Variants in GIGYF2 observed in about 807,000 individuals in gnomAD.
The protein encoded by GIGYF2 is GRB10-interacting GYF protein 2.
Under a neutral mutation model 208.1 loss-of-function variants are expected in GIGYF2, and 25 were observed. That is an observed-to-expected ratio of 0.12 (90% CI 0.09 to 0.17). The LOEUF (loss-of-function observed/expected upper bound fraction) is 0.17. Ranked by LOEUF, GIGYF2 falls within the 10% of genes least tolerant of loss-of-function variation. The pLI is 1.00. For missense variants in GIGYF2, 1,302 were observed against 1,579.4 expected (o/e 0.82, Z 2.98); for synonymous variants, 534 against 543.8 (o/e 0.98, Z 0.25).
chr2:232,737,907 CTTTTTTTTTTTTT>C (rs11320395), intron 3 of GIGYF2, among the ~76,000 whole-genome samples: 4 of 85,218 alleles, frequency 4.7e-5, no homozygotes, highest in African/African-American at 1.4e-4. Context: ...TAAGCTTTAA[CTTTTTTTTTTTTT>C]TTTTTTTTTT....
At chr2:232,781,564 A>AT (rs911690721) in intron 8 of GIGYF2, among the ~76,000 whole-genome samples, 17 of 150,794 alleles carry the variant, frequency 1.1e-4, no homozygotes, top group Middle Eastern at 3.4e-3. Context: ...GGTCTTAACC[A>AT]TTTTTTTTTC....
rs372490336 is a variant in GIGYF2 at position 232,812,412 on chromosome 2, T to C, written c.2028T>C (p.Ile676=). ...GCAGAATATCTGATCAGAACATCAT[T>C]CCCTCAGTAACTAGGTCTGTGTCCG... The part of the protein sequence containing the change: ...LKMRISDQNI[I]PSVTRSVSVP... Residue 676 remains isoleucine, a synonymous_variant, in exon 18 of 29, where the codon ATT becomes ATC. Coordinates refer to ENST00000373563, the MANE Select transcript of GIGYF2 (RefSeq NM_001103146.3). 1.4e-6 allele frequency: 2 copies of C among 1,473,364 alleles called. No individual in the cohort carries two copies. Among genetic ancestry groups the C allele is most frequent in the African/African-American group, 1.4e-5 (1 of 72,256 alleles). The allele number at this position is 1,473,364 out of a possible 1,614,324, so 91.3% of individuals were successfully genotyped here.
intron 3 of GIGYF2, among the ~76,000 whole-genome samples, chr2:232,737,199 C>T (rs1697768619): frequency 6.6e-6 from 1 of 152,224 alleles, no homozygotes; most frequent in African/African-American, 2.4e-5. Context: ...CATGAGTTCT[C>T]AAGGTCATCT....
At position 232,857,153 on chromosome 2, in the gene GIGYF2, T is replaced by C. The variant is rs1690610035; in HGVS notation, c.*293T>C. 1 of 490,568 alleles carries C rather than the reference T, an allele frequency of 2.0e-6. No individual in the cohort carries two copies. The highest frequency in any genetic ancestry group is 3.4e-5 in the Admixed American group (1 of 29,536). The allele number at this position is 490,568 out of a possible 1,614,324, so 30.4% of individuals were successfully genotyped here. On this transcript the variant is annotated 3_prime_UTR_variant, in exon 29 of 29. Transcript: ENST00000373563. ...GCAGCATGTGTTCACTGTGCTGTGA[T>C]TTCATCTACTGTCTCCCAGAAAGTG...
At chr2:232,834,970 G>T (rs1701537563) in intron 22 of GIGYF2, among the ~76,000 whole-genome samples, 1 of 152,158 alleles carries the variant, frequency 6.6e-6, no homozygotes. Context: ...GTACCCAGTA[G>T]GTGATTGTTC....
chr2:232,770,307 C>G (rs1699181497), intron 8 of GIGYF2, among the ~76,000 whole-genome samples: 1 of 152,124 alleles, frequency 6.6e-6, no homozygotes, highest in African/African-American at 2.4e-5. Flanking sequence ...AAAGAGTTTT[C>G]TGTGTTCATG....
intron 3 of GIGYF2, among the ~76,000 whole-genome samples, chr2:232,740,885 A>T (rs1308096424): frequency 1.3e-5 from 2 of 152,198 alleles, no homozygotes; most frequent in Non-Finnish European, 2.9e-5. Context: ...GGAGTAGTAA[A>T]TTAGATGTTT....
At chr2:232,811,000 G>T (rs1418491094) in intron 16 of GIGYF2, 3 of 457,414 alleles carry the variant, frequency 6.6e-6, no homozygotes, top group African/African-American at 5.9e-5. Flanking sequence ...GCACTGAATT[G>T]TGAATTTTTT....
intron 5 of GIGYF2, among the ~76,000 whole-genome samples, chr2:232,752,089 G>A (rs60804144): frequency 0.015 from 2,349 of 152,262 alleles, 71 homozygotes; most frequent in African/African-American, 0.054. Flanking sequence ...CATCAGATCC[G>A]TTTTGAAGGC....
intron 28 of GIGYF2, among the ~76,000 whole-genome samples, chr2:232,853,239 G>A (rs1404373080): frequency 3.3e-5 from 5 of 152,152 alleles, no homozygotes; most frequent in Admixed American, 6.5e-5. Context: ...GGAAGTCTTC[G>A]TTGAAAAAGC....
intron 21 of GIGYF2, among the ~76,000 whole-genome samples, chr2:232,826,011 A>G (rs537085378): frequency 5.9e-5 from 9 of 152,274 alleles, no homozygotes; most frequent in South Asian, 2.1e-4. Flanking sequence ...AGCTTCATCC[A>G]TGTCCCTGCA....
intron 3 of GIGYF2, chr2:232,735,745 C>G: frequency 3.0e-6 from 3 of 985,314 alleles, no homozygotes; most frequent in Non-Finnish European, 3.6e-6. Context: ...GATTAATTGA[C>G]CTTTGAGTCT....
chr2:232,697,618 G>C (rs1695656304), intron 1 of GIGYF2, among the ~76,000 whole-genome samples: 1 of 152,246 alleles, frequency 6.6e-6, no homozygotes, highest in Non-Finnish European at 1.5e-5. Context: ...TCCTGGGCGA[G>C]GGGCGCTGAG....
chr2:232,741,792 G>A (rs759411930), intron 3 of GIGYF2, among the ~76,000 whole-genome samples: 3 of 152,086 alleles, frequency 2.0e-5, no homozygotes, highest in Admixed American at 6.5e-5. Context: ...AGCAGGCAGA[G>A]TAATCTTAAA....
chr2:232,730,624 C>T (rs1228299617), intron 2 of GIGYF2, among the ~76,000 whole-genome samples: 2 of 119,148 alleles, frequency 1.7e-5, no homozygotes, highest in African/African-American at 6.6e-5. Flanking sequence ...AAAGGCCGGG[C>T]GCGGTGGCTC....
intron 21 of GIGYF2, among the ~76,000 whole-genome samples, chr2:232,820,645 T>A (rs1201307614): frequency 6.6e-6 from 1 of 152,226 alleles, no homozygotes; most frequent in East Asian, 1.9e-4. Context: ...ACGTAATGAT[T>A]TTCATGTATG....
At chr2:232,701,860 A>G (rs887776345) in intron 1 of GIGYF2, among the ~76,000 whole-genome samples, 18 of 152,190 alleles carry the variant, frequency 1.2e-4, no homozygotes, top group Admixed American at 9.2e-4. Context: ...GAAAGGGAAG[A>G]AGAAATGGAT....
chr2:232,726,396 G>A lies in GIGYF2; in HGVS notation c.-43-8759G>A, dbSNP rs1033734760. On this transcript the variant is annotated intron_variant, in intron 2 of 28. Coordinates refer to ENST00000373563, the MANE Select transcript of GIGYF2 (RefSeq NM_001103146.3). ...AAAAAAAAAAAAAAAAAATCATATG[G>A]GAGCACACCCTTCTCCCCACCGCCA... Among the ~76,000 whole-genome samples, 46 of 151,094 alleles carry A rather than the reference G, an allele frequency of 3.0e-4. 1 individual carries two copies. The highest frequency in any genetic ancestry group is 2.4e-3 in the Admixed American group (36 of 15,144).
At chr2:232,843,387 G>C (rs536673227) in intron 23 of GIGYF2, among the ~76,000 whole-genome samples, 1 of 151,366 alleles carries the variant, frequency 6.6e-6, no homozygotes, top group South Asian at 2.1e-4. Context: ...GTGAAACCCC[G>C]TCTCTACTAA....
Sources: gnomAD v4.1 joint callset for allele counts (sites outside exome capture counted in the v4.1 genomes callset) on GRCh38, gnomAD v4.1.1 for gene constraint, MANE v1.5 for transcripts, NCBI Gene and HGNC (gene_info 2026-07-23, HGNC 2026-07-21) for gene names.